Variants in SEPTIN9 observed in about 807,000 individuals in gnomAD.
The protein encoded by SEPTIN9 is septin-9.
SEPTIN9 carries 13 observed loss-of-function variants against 56.6 expected under a neutral mutation model. That is an observed-to-expected ratio of 0.23 (90% CI 0.15 to 0.37). The LOEUF is 0.37. Among genes scored for constraint, SEPTIN9 ranks in the 10% least tolerant of loss-of-function variants. The pLI is 1.00. For missense variants in SEPTIN9, 650 were observed against 823.1 expected, an observed-to-expected ratio of 0.79 and a Z score of 2.57; for synonymous variants, 332 against 334.1, an observed-to-expected ratio of 0.99 and a Z score of 0.07.
intron 2 of SEPTIN9, among the ~76,000 whole-genome samples, chr17:77,385,661 G>A (rs2035311706): frequency 6.6e-6 from 1 of 152,268 alleles, no homozygotes; most frequent in South Asian, 2.1e-4. Flanking sequence ...CACATTCCCT[G>A]GTCGCTGGCA....
intron 2 of SEPTIN9, among the ~76,000 whole-genome samples, chr17:77,347,912 T>C: frequency 6.6e-6 from 1 of 152,180 alleles, no homozygotes; most frequent in East Asian, 1.9e-4. Flanking sequence ...TAGGCTAAGC[T>C]AGAATGTTCG....
chr17:77,362,080 G>A (rs990851994), intron 2 of SEPTIN9, among the ~76,000 whole-genome samples: 2 of 152,236 alleles, frequency 1.3e-5, no homozygotes, highest in Non-Finnish European at 2.9e-5. Flanking sequence ...GCCATTCACT[G>A]GCCTTGAATG....
intron 3 of SEPTIN9, among the ~76,000 whole-genome samples, chr17:77,432,205 C>T (rs2037170509): frequency 6.6e-6 from 1 of 152,158 alleles, no homozygotes; most frequent in African/African-American, 2.4e-5. Context: ...ACTATGTTCC[C>T]CTCTGTAAAA....
At chr17:77,281,623 C>CG in intron 1 of SEPTIN9, 69 bp downstream of exon 1, 1 of 1,443,360 alleles carries the variant, frequency 6.9e-7, no homozygotes. Flanking sequence ...TGAGTGCCTG[C>CG]GGCCGGGAGT....
intron 3 of SEPTIN9, among the ~76,000 whole-genome samples, chr17:77,479,865 C>T (rs1039799184): frequency 3.9e-5 from 6 of 152,156 alleles, no homozygotes; most frequent in African/African-American, 9.7e-5. Flanking sequence ...TTTTCGGTCA[C>T]GTGGGTGGGG....
rs530189213 is a variant in SEPTIN9 at position 77,290,447 on chromosome 17, G to T, written c.19+8893G>T. On this transcript the variant is annotated intron_variant, in intron 1 of 11. Coordinates refer to ENST00000427177, the MANE Select transcript of SEPTIN9 (RefSeq NM_001113491.2). Reference sequence around the variant, plus strand: ...TAATTTTTTGTATTTTTTTAGTAGAGGCGGGGTTTCACCATGTTAGCCAGG... The same window carrying T: ...TAATTTTTTGTATTTTTTTAGTAGATGCGGGGTTTCACCATGTTAGCCAGG... Among the ~76,000 whole-genome samples the T allele has an allele frequency of 2.0e-4, 31 of 151,652 alleles. 1 individual carries two copies. The Middle Eastern group carries it at 0.017, about 83-fold the overall frequency.
At position 77,327,916 on chromosome 17, in the gene SEPTIN9, G is replaced by A. The variant is rs374695692; in HGVS notation, c.76+20719G>A. On this transcript the variant is annotated intron_variant, in intron 2 of 11. Coordinates refer to ENST00000427177, the MANE Select transcript of SEPTIN9 (RefSeq NM_001113491.2). The surrounding 1 kb of genome is among the most constrained non-coding windows in gnomAD (Gnocchi z 5.0). Reference sequence around the variant, plus strand: ...TGCGGGGTTTCAGGTGGCAGGAGGCGTCCCCGTGCCTAGGGCATCCCGATG... The same window carrying A: ...TGCGGGGTTTCAGGTGGCAGGAGGCATCCCCGTGCCTAGGGCATCCCGATG... Among the ~76,000 whole-genome samples, 62 of 152,300 alleles carry A rather than the reference G, an allele frequency of 4.1e-4. No individual in the cohort carries two copies. Among genetic ancestry groups the A allele is most frequent in the African/African-American group, 1.3e-3 (55 of 41,570 alleles).
chr17:77,293,924 C>T (rs540681508), intron 1 of SEPTIN9, among the ~76,000 whole-genome samples: 110 of 151,536 alleles, frequency 7.3e-4, no homozygotes, highest in Non-Finnish European at 1.4e-3. Flanking sequence ...GGCAGCGTGG[C>T]GAAACCCCGT....
chr17:77,479,480 G>T (rs760202736), intron 3 of SEPTIN9, among the ~76,000 whole-genome samples: 2 of 152,284 alleles, frequency 1.3e-5, no homozygotes, highest in Admixed American at 1.3e-4. Flanking sequence ...CCTCTCGAGG[G>T]AGGGGTTGCA....
At chr17:77,353,740 G>A (rs2034133028) in intron 2 of SEPTIN9, among the ~76,000 whole-genome samples, 1 of 152,220 alleles carries the variant, frequency 6.6e-6, no homozygotes, top group Non-Finnish European at 1.5e-5. Context: ...GAGGCTTGCT[G>A]CTGAGGCAGC....
At position 77,389,065 on chromosome 17, in the gene SEPTIN9, T is replaced by C. The variant is rs967983522; in HGVS notation, c.77-12994T>C. 1.6e-4 allele frequency among the ~76,000 whole-genome samples: 25 copies of C among 152,010 alleles called. No homozygotes were observed. The highest frequency in any genetic ancestry group is 3.5e-4 in the Non-Finnish European group (24 of 67,990). On this transcript the variant is annotated intron_variant, in intron 2 of 11. Coordinates refer to ENST00000427177, the MANE Select transcript of SEPTIN9 (RefSeq NM_001113491.2). The surrounding 1 kb of genome is among the most constrained non-coding windows in gnomAD (Gnocchi z 4.3). The stretch of plus-strand genomic sequence containing the variant: ...TCAGAACAGACACTGACCAACACGC[T>C]CCTCAGGGTCTCCAGGTCCGGGTCC...
At chr17:77,372,008 G>C (rs887506475) in intron 2 of SEPTIN9, among the ~76,000 whole-genome samples, 1 of 152,174 alleles carries the variant, frequency 6.6e-6, no homozygotes, top group South Asian at 2.1e-4. Context: ...TATTTCAGAG[G>C]GGGTGGGGAG....
rs1420447954 is a variant in SEPTIN9, at chr17:77,456,071, T to A, written c.722-26073T>A. ...AGGATGGTGTCTTTTGTGCCTTGTG[T>A]GCTGGGGCCGGAGGAAACACTGCCC... On this transcript the variant is annotated intron_variant, in intron 3 of 11. Coordinates refer to ENST00000427177, the MANE Select transcript of SEPTIN9 (RefSeq NM_001113491.2). This position sits in a 1 kb window ranked among gnomAD's most constrained non-coding sequence, Gnocchi z 6.0. Among the ~76,000 whole-genome samples, 1 of 152,100 alleles carries A rather than the reference T, an allele frequency of 6.6e-6. No individual in the cohort carries two copies. Among genetic ancestry groups the A allele is most frequent in the Non-Finnish European group, 1.5e-5 (1 of 68,018 alleles).
At chr17:77,427,303 G>T (rs1192259259) in intron 3 of SEPTIN9, 1 of 152,322 alleles carries the variant, frequency 6.6e-6, no homozygotes, top group Non-Finnish European at 1.5e-5. Flanking sequence ...CGGGGCTTCT[G>T]GGGGACTAAC....
chr17:77,413,475 C>T (rs372132423), intron 3 of SEPTIN9, among the ~76,000 whole-genome samples: 11 of 152,268 alleles, frequency 7.2e-5, no homozygotes, highest in East Asian at 1.9e-4. Context: ...GTGTGCAGCG[C>T]GGTGATTGAC....
At chr17:77,379,361 G>A (rs1430825257) in intron 2 of SEPTIN9, among the ~76,000 whole-genome samples, 1 of 151,976 alleles carries the variant, frequency 6.6e-6, no homozygotes, top group Non-Finnish European at 1.5e-5. Context: ...ACCTGGTCTC[G>A]TCGGCTGTCT....
chr17:77,369,344 TG>T lies in SEPTIN9; in HGVS notation c.77-32713del, dbSNP rs2034654901. Among the ~76,000 whole-genome samples the T allele has an allele frequency of 6.6e-6, 1 of 152,146 alleles. No homozygotes were observed. Among genetic ancestry groups the T allele is most frequent in the Non-Finnish European group, 1.5e-5 (1 of 68,018 alleles). Reference sequence around the variant, plus strand: ...TGTTGTTGCTTTTGCTGGCCCCAGGTGGCCGGTTGTTGACCGTTAACTGGCA... The same window carrying T: ...TGTTGTTGCTTTTGCTGGCCCCAGGTGCCGGTTGTTGACCGTTAACTGGCA... On this transcript the variant is annotated intron_variant, in intron 2 of 11. Coordinates refer to ENST00000427177, the MANE Select transcript of SEPTIN9 (RefSeq NM_001113491.2). The surrounding 1 kb of genome is among the most constrained non-coding windows in gnomAD (Gnocchi z 4.9).
Position 77,323,748 on chromosome 17 carries a change from T to TA in SEPTIN9, c.76+16552dup, listed in dbSNP as rs755005609. ...GCCTCTGCCATCCCCTGGGAGTTCT[T>TA]ACCCCTGGACGCTCGGTGCCTGTCC... On this transcript the variant is annotated intron_variant, in intron 2 of 11. Coordinates refer to ENST00000427177, the MANE Select transcript of SEPTIN9 (RefSeq NM_001113491.2). This position sits in a 1 kb window ranked among gnomAD's most constrained non-coding sequence, Gnocchi z 6.8. 3 of 152,528 alleles carry TA rather than the reference T, an allele frequency of 2.0e-5. No individual in the cohort carries two copies. The highest frequency in any genetic ancestry group is 2.9e-5 in the Non-Finnish European group (2 of 68,312). The allele number at this position is 152,528 out of a possible 1,614,324, so 9.4% of individuals were successfully genotyped here.
intron 3 of SEPTIN9, chr17:77,466,525 G>A: frequency 1.0e-6 from 1 of 985,494 alleles, no homozygotes; most frequent in Non-Finnish European, 1.2e-6. Flanking sequence ...GAAGAAGCGG[G>A]CATTTCTTCC....
Sources: gnomAD v4.1 joint callset for allele counts (sites outside exome capture counted in the v4.1 genomes callset) on GRCh38, gnomAD v4.1.1 for gene constraint, Gnocchi (gnomAD v3.1) non-coding constraint, MANE v1.5 for transcripts, NCBI Gene and HGNC (gene_info 2026-07-23, HGNC 2026-07-21) for gene names.